Variants in ADAMTS17 observed in about 807,000 individuals in gnomAD.
The protein encoded by ADAMTS17 is ADAM metallopeptidase with thrombospondin type 1 motif 17.
In ADAMTS17, 113 loss-of-function variants were observed where a neutral mutation model predicts 141.5. The ratio of observed to expected loss-of-function variants is 0.80; its 90% CI spans 0.69 to 0.93. The LOEUF is 0.93. ADAMTS17 is among the 40% of genes least tolerant of loss of function. The pLI, the probability that ADAMTS17 is intolerant of heterozygous loss-of-function variation, is 0.00. For synonymous variants in ADAMTS17, 768 were observed against 630.6 expected (o/e 1.22, Z -3.27); for missense variants, 1,659 against 1,517.9 (o/e 1.09, Z -1.54).
chr15:100,282,516 C>T (rs751988422), intron 3 of ADAMTS17, among the ~76,000 whole-genome samples: 3 of 152,176 alleles, frequency 2.0e-5, no homozygotes, highest in Non-Finnish European at 4.4e-5. Context: ...TTTACATTAA[C>T]GAATGGAATC....
chr15:100,028,219 G>A (rs890882727), intron 18 of ADAMTS17, among the ~76,000 whole-genome samples: 4 of 152,114 alleles, frequency 2.6e-5, no homozygotes, highest in East Asian at 1.9e-4. Flanking sequence ...TTAAACCCTC[G>A]CACATTTGGG....
chr15:100,253,853 C>T (rs1162770651), intron 7 of ADAMTS17, among the ~76,000 whole-genome samples: 2 of 152,058 alleles, frequency 1.3e-5, no homozygotes, highest in African/African-American at 4.8e-5. Flanking sequence ...GCCAAATGCA[C>T]CCCCAACTGC....
chr15:100,208,687 C>G (rs1438769997), intron 7 of ADAMTS17, among the ~76,000 whole-genome samples: 1 of 148,078 alleles, frequency 6.8e-6, no homozygotes, highest in Non-Finnish European at 1.5e-5. Flanking sequence ...GATACACTAT[C>G]TATATGTAAA....
intron 4 of ADAMTS17, among the ~76,000 whole-genome samples, chr15:100,278,481 C>T (rs1158951249): frequency 6.6e-6 from 1 of 152,172 alleles, no homozygotes; most frequent in African/African-American, 2.4e-5. Flanking sequence ...GATCCCTGGC[C>T]CAGGTCCCAG....
intron 7 of ADAMTS17, among the ~76,000 whole-genome samples, chr15:100,201,384 C>T (rs1192793084): frequency 6.6e-6 from 1 of 152,220 alleles, no homozygotes; most frequent in African/African-American, 2.4e-5. Flanking sequence ...TCCCTTTCCC[C>T]TTCAGCCATG....
chr15:100,300,090 T>C (rs562562713), intron 3 of ADAMTS17, among the ~76,000 whole-genome samples: 1 of 152,318 alleles, frequency 6.6e-6, no homozygotes, highest in South Asian at 2.1e-4. Flanking sequence ...AACAAATCCT[T>C]GGCCCTGTAG....
At chr15:100,333,475 T>C (rs1451988382) in intron 2 of ADAMTS17, among the ~76,000 whole-genome samples, 1 of 152,174 alleles carries the variant, frequency 6.6e-6, no homozygotes, top group Non-Finnish European at 1.5e-5. Context: ...GGCACTGATA[T>C]TTTTTCAAAG....
chr15:99,993,058 T>G lies in ADAMTS17; in HGVS notation c.2939A>C (p.Asp980Ala). Residue 980 changes from aspartate to alanine, a missense_variant, in exon 20 of 22, where the codon GAC (aspartate) becomes GCC (alanine). By Grantham distance (126) the Asp-to-Ala change is moderately radical. Coordinates refer to ENST00000268070, the MANE Select transcript of ADAMTS17 (RefSeq NM_139057.4). This position sits in a 1 kb window ranked among gnomAD's most constrained non-coding sequence, Gnocchi z 4.3. ...GCAGGCTGCTCTCACCGTAGACCAGTCCCCAGTTTTCCACTCGTAGCAGCC... is the reference window on the plus strand; with the variant it reads ...GCAGGCTGCTCTCACCGTAGACCAGGCCCCAGTTTTCCACTCGTAGCAGCC... Reference protein sequence around the residue: ...YSGCYEWKTGDWSTCSSTCGK... With the variant: ...YSGCYEWKTGAWSTCSSTCGK... 6.2e-7 allele frequency: 1 copy of G among 1,613,986 alleles called. No homozygotes were observed. Among genetic ancestry groups the G allele is most frequent in the African/African-American group, 1.3e-5 (1 of 74,994 alleles).
chr15:100,115,092 G>C (rs988173184), intron 13 of ADAMTS17, among the ~76,000 whole-genome samples: 1 of 152,190 alleles, frequency 6.6e-6, no homozygotes. Flanking sequence ...GCAGTAAAGA[G>C]GTCTAAAAGT....
At chr15:99,979,455 C>T (rs2060437735) in intron 20 of ADAMTS17, 2 of 152,118 alleles carry the variant, frequency 1.3e-5, no homozygotes, top group African/African-American at 4.8e-5. Context: ...TGAGAGTCCA[C>T]ACAAATGTGG....
intron 18 of ADAMTS17, among the ~76,000 whole-genome samples, chr15:100,038,094 G>C (rs1255830915): frequency 6.6e-6 from 1 of 152,218 alleles, no homozygotes; most frequent in African/African-American, 2.4e-5. Context: ...TGGATAGCTA[G>C]TTGTCACAGC....
chr15:100,148,827 A>G (rs75785080), intron 10 of ADAMTS17, among the ~76,000 whole-genome samples: 1 of 138,384 alleles, frequency 7.2e-6, no homozygotes. Flanking sequence ...AGCTTATATT[A>G]AAAAAAAAAA....
intron 10 of ADAMTS17, 27 bp downstream of exon 10, chr15:100,152,585 C>A (rs189712268): frequency 6.2e-7 from 1 of 1,611,864 alleles, no homozygotes; most frequent in Admixed American, 1.7e-5. Context: ...TGCTCTGTCC[C>A]GAGCCAGCCC....
chr15:100,224,720 C>T (rs566899384), intron 7 of ADAMTS17, among the ~76,000 whole-genome samples: 118 of 152,366 alleles, frequency 7.7e-4, no homozygotes, highest in Non-Finnish European at 1.4e-3. Context: ...ACACAGAACA[C>T]TCTTTGTCCT....
rs568583270 is a variant in ADAMTS17, at chr15:100,298,134, G to A, written c.617-16733C>T. On this transcript the variant is annotated intron_variant, in intron 3 of 21. Coordinates refer to ENST00000268070, the MANE Select transcript of ADAMTS17 (RefSeq NM_139057.4). ...CATGTTTGGCCCGCGAGGAAATGGC[G>A]CAAACTTTGGAGAAGTCTGGGGAGG... is the stretch of plus-strand genomic sequence containing the variant. 7.6e-4 allele frequency among the ~76,000 whole-genome samples: 116 copies of A among 152,240 alleles called. 1 individual carries two copies. Among genetic ancestry groups the A allele is most frequent in the Non-Finnish European group, 1.2e-3 (82 of 68,018 alleles).
In ADAMTS17 at chr15:100,285,576, T is replaced by A. The variant is rs918693402; in HGVS notation, c.617-4175A>T. ...CTGCTACACAAGAAGAATCTCTGCA[T>A]CTCAAATTCTACCAACGCCATTTCC... On this transcript the variant is annotated intron_variant, in intron 3 of 21. Coordinates refer to ENST00000268070, the MANE Select transcript of ADAMTS17 (RefSeq NM_139057.4). Among the ~76,000 whole-genome samples, 5 of 152,248 alleles carry A rather than the reference T, an allele frequency of 3.3e-5. No homozygotes were observed. The East Asian group carries it at 9.6e-4, about 29-fold the overall frequency.
At chr15:100,311,534 C>CT (rs1370793321) in intron 3 of ADAMTS17, among the ~76,000 whole-genome samples, 3 of 152,164 alleles carry the variant, frequency 2.0e-5, no homozygotes, top group African/African-American at 7.2e-5. Context: ...GCCTTCTCTG[C>CT]TTTGAGTTAC....
At chr15:100,096,591 C>CCA in intron 14 of ADAMTS17, 115 bp from the exon 15 acceptor site, 2 of 1,368,124 alleles carry the variant, frequency 1.5e-6, no homozygotes, top group Non-Finnish European at 2.1e-6. Flanking sequence ...GCCTGGGGCC[C>CCA]TGATCCATTC....
intron 3 of ADAMTS17, among the ~76,000 whole-genome samples, chr15:100,284,910 G>C (rs540583800): frequency 2.1e-4 from 32 of 152,350 alleles, no homozygotes; most frequent in Admixed American, 1.8e-3. Context: ...GCCAGCCGGG[G>C]AGTGCTCCAA....
Sources: allele counts gnomAD v4.1 joint callset (sites outside exome capture counted in the v4.1 genomes callset), GRCh38; gene constraint gnomAD v4.1.1; non-coding constraint Gnocchi (gnomAD v3.1); transcripts MANE v1.5; gene names NCBI Gene and HGNC (gene_info 2026-07-23, HGNC 2026-07-21).